Variants in GALNT13 observed in about 807,000 individuals in gnomAD.
The protein encoded by GALNT13 is polypeptide N-acetylgalactosaminyltransferase 13.
A neutral mutation model predicts 64.2 loss-of-function variants in GALNT13; 28 were observed. The observed-to-expected ratio is 0.44, with a 90% CI of 0.32 to 0.60. The LOEUF (loss-of-function observed/expected upper bound fraction) is 0.60, where lower values mean the gene tolerates loss of function less well. Among genes scored for constraint, GALNT13 ranks in the 20% least tolerant of loss-of-function variants. The probability of loss-of-function intolerance (pLI) is 0.05; values close to 1 mark genes in which losing one functional copy is unlikely to be tolerated. For missense variants in GALNT13, 577 were observed against 669.8 expected (o/e 0.86, Z 1.53); for synonymous variants, 214 against 224.6 (o/e 0.95, Z 0.42).
the GALNT13 span, among the ~76,000 whole-genome samples, chr2:153,860,699 C>T: frequency 6.6e-6 from 1 of 152,120 alleles, no homozygotes; most frequent in Non-Finnish European, 1.5e-5. Context: ...ATGACCCATG[C>T]TATTTATCGG....
chr2:153,420,767 T>G, the GALNT13 span: 1 of 231,516 alleles, frequency 4.3e-6, no homozygotes, highest in African/African-American at 2.3e-5. Flanking sequence ...CAGAAAATGC[T>G]TCTTCTCCCA....
the GALNT13 span, among the ~76,000 whole-genome samples, chr2:153,673,444 C>A: frequency 1.3e-5 from 2 of 152,100 alleles, no homozygotes; most frequent in African/African-American, 4.8e-5. Flanking sequence ...ATAAACAGAA[C>A]CAACAACAAA....
the GALNT13 span, among the ~76,000 whole-genome samples, chr2:153,100,014 A>AAGC: frequency 6.6e-6 from 1 of 152,224 alleles, no homozygotes; most frequent in Non-Finnish European, 1.5e-5. Flanking sequence ...GAAAAAGAAA[A>AAGC]AGCTAAAATT....
intron 9 of GALNT13, among the ~76,000 whole-genome samples, chr2:154,373,068 G>T (rs979562854): frequency 1.3e-5 from 2 of 151,980 alleles, no homozygotes; most frequent in African/African-American, 4.8e-5. Context: ...AATATTTAAA[G>T]AAGTATTTTA....
chr2:153,165,250 T>C, the GALNT13 span, among the ~76,000 whole-genome samples: 1 of 152,184 alleles, frequency 6.6e-6, no homozygotes, highest in Admixed American at 6.5e-5. Flanking sequence ...AAGATAAGGG[T>C]ACTTTGATTG....
At chr2:154,264,710 G>A (rs1690889905) in intron 8 of GALNT13, among the ~76,000 whole-genome samples, 1 of 149,580 alleles carries the variant, frequency 6.7e-6, no homozygotes, top group Non-Finnish European at 1.5e-5. Flanking sequence ...TAATGAAAAT[G>A]AAAACATAGC....
chr2:153,392,514 A>G, the GALNT13 span, among the ~76,000 whole-genome samples: 1 of 152,034 alleles, frequency 6.6e-6, no homozygotes, highest in South Asian at 2.1e-4. Context: ...GAGCTTGTTG[A>G]CAGGGTTTTG....
the GALNT13 span, among the ~76,000 whole-genome samples, chr2:153,523,925 G>A: frequency 1.3e-5 from 2 of 152,140 alleles, no homozygotes; most frequent in East Asian, 3.8e-4. Context: ...GATGTTAGCT[G>A]TAGGTGTTTT....
At chr2:153,402,836 G>T in the GALNT13 span, among the ~76,000 whole-genome samples, 10 of 152,096 alleles carry the variant, frequency 6.6e-5, no homozygotes, top group East Asian at 1.9e-4. Context: ...CTTCTAAATT[G>T]TTTTCAAAGT....
chr2:154,290,996 C>T (rs1366998793), intron 8 of GALNT13, among the ~76,000 whole-genome samples: 1 of 151,926 alleles, frequency 6.6e-6, no homozygotes, highest in African/African-American at 2.4e-5. Context: ...TCTCGGTGAG[C>T]GTTACAGCTC....
At chr2:153,690,142 T>G in the GALNT13 span, among the ~76,000 whole-genome samples, 1 of 152,138 alleles carries the variant, frequency 6.6e-6, no homozygotes, top group African/African-American at 2.4e-5. Context: ...ATTTGATTCT[T>G]TCCTTATAGA....
At chr2:153,405,046 C>T in the GALNT13 span, among the ~76,000 whole-genome samples, 2 of 152,066 alleles carry the variant, frequency 1.3e-5, no homozygotes, top group Non-Finnish European at 2.9e-5. Context: ...CTTGTGGTGT[C>T]CTTCCTTTTA....
At chr2:154,411,521 C>A (rs1559140454) in intron 11 of GALNT13, among the ~76,000 whole-genome samples, 1 of 151,474 alleles carries the variant, frequency 6.6e-6, no homozygotes, top group Non-Finnish European at 1.5e-5. Context: ...ACTAGAACTT[C>A]AAAAGAGAAA....
the GALNT13 span, among the ~76,000 whole-genome samples, chr2:153,665,328 G>T: frequency 2.6e-5 from 4 of 152,302 alleles, no homozygotes; most frequent in African/African-American, 9.6e-5. Context: ...AAGGAAGCAT[G>T]ACCAGCTGAA....
the GALNT13 span, among the ~76,000 whole-genome samples, chr2:153,508,255 G>T: frequency 6.6e-6 from 1 of 152,166 alleles, no homozygotes; most frequent in African/African-American, 2.4e-5. Context: ...CAGGCAGTGG[G>T]CAGGGCCATA....
intron 7 of GALNT13, among the ~76,000 whole-genome samples, chr2:154,250,772 A>C (rs116278554): frequency 6.6e-6 from 1 of 152,072 alleles, no homozygotes; most frequent in Non-Finnish European, 1.5e-5. Flanking sequence ...GACTTTTCTC[A>C]ATCCAACCAT....
chr2:154,158,668 C>A (rs1292470484), intron 4 of GALNT13, among the ~76,000 whole-genome samples: 5 of 152,160 alleles, frequency 3.3e-5, no homozygotes, highest in African/African-American at 1.2e-4. Flanking sequence ...TACTTTAGGA[C>A]CTTTTTACTT....
At chr2:153,642,149 C>G in the GALNT13 span, among the ~76,000 whole-genome samples, 1 of 151,846 alleles carries the variant, frequency 6.6e-6, no homozygotes, top group Admixed American at 6.6e-5. Context: ...TCATTGTCAA[C>G]TCATTGTCAT....
At chr2:153,095,763 C>A in the GALNT13 span, among the ~76,000 whole-genome samples, 1 of 152,096 alleles carries the variant, frequency 6.6e-6, no homozygotes, top group African/African-American at 2.4e-5. Flanking sequence ...TGGAAACCAT[C>A]ATTCTCAGCA....
Sources: allele counts gnomAD v4.1 joint callset (sites outside exome capture counted in the v4.1 genomes callset), GRCh38; gene constraint gnomAD v4.1.1; transcripts MANE v1.5; gene names NCBI Gene and HGNC (gene_info 2026-07-23, HGNC 2026-07-21).